RBPJ: variants seen among roughly 807,000 people sequenced by gnomAD.
The protein encoded by RBPJ is recombining binding protein suppressor of hairless.
A neutral mutation model predicts 67.8 loss-of-function variants in RBPJ; 9 were observed. The ratio of observed to expected loss-of-function variants is 0.13; its 90% CI spans 0.08 to 0.23. The LOEUF (loss-of-function observed/expected upper bound fraction) is 0.23, where lower values mean the gene tolerates loss of function less well. Among genes scored for constraint, RBPJ ranks in the 10% least tolerant of loss-of-function variants. The pLI is 1.00. For synonymous variants in RBPJ, 198 were observed against 203.3 expected (o/e 0.97, Z 0.22); for missense variants, 305 against 595.6 (o/e 0.51, Z 5.08).
At chr4:26,414,101 A>G (rs1042739950) in intron 3 of RBPJ, among the ~76,000 whole-genome samples, 2 of 152,150 alleles carry the variant, frequency 1.3e-5, no homozygotes, top group Non-Finnish European at 2.9e-5. Flanking sequence ...AGAAGTGAGA[A>G]TGACAATGGA....
chr4:26,272,139 T>A (rs1720936436), intron 1 of RBPJ, among the ~76,000 whole-genome samples: 1 of 152,218 alleles, frequency 6.6e-6, no homozygotes, highest in Admixed American at 6.5e-5. Context: ...TTCCAAAGGT[T>A]TAAATTTCAC....
chr4:26,307,893 T>G (rs1229435566), intron 1 of RBPJ, among the ~76,000 whole-genome samples: 1 of 152,184 alleles, frequency 6.6e-6, no homozygotes, highest in African/African-American at 2.4e-5. Flanking sequence ...ATGACAGAAT[T>G]TAGTCATGAA....
At chr4:26,165,022 G>T (rs1716213540) in intron 1 of RBPJ, among the ~76,000 whole-genome samples, 1 of 152,038 alleles carries the variant, frequency 6.6e-6, no homozygotes, top group Non-Finnish European at 1.5e-5. Context: ...ACTGTATTTA[G>T]CTAGTATAGT....
chr4:26,428,539 T>G (rs1735907485), intron 7 of RBPJ, 181 bp from the exon 8 acceptor site: 1 of 530,378 alleles, frequency 1.9e-6, no homozygotes, highest in African/African-American at 2.0e-5. Flanking sequence ...GCTTGCAATC[T>G]AAAAGTGTTT....
intron 1 of RBPJ, among the ~76,000 whole-genome samples, chr4:26,195,499 T>C (rs1241476703): frequency 6.6e-6 from 1 of 152,220 alleles, no homozygotes; most frequent in Admixed American, 6.5e-5. Context: ...AAATGATCCA[T>C]GGTGGTCAGC....
intron 1 of RBPJ, among the ~76,000 whole-genome samples, chr4:26,262,562 G>A (rs1160357814): frequency 6.6e-6 from 1 of 152,134 alleles, no homozygotes; most frequent in Non-Finnish European, 1.5e-5. Context: ...CTTCTTTGAA[G>A]ATTCTTCTTC....
intron 1 of RBPJ, among the ~76,000 whole-genome samples, chr4:26,341,343 G>A (rs1297051572): frequency 2.0e-5 from 3 of 152,104 alleles, no homozygotes; most frequent in Admixed American, 6.6e-5. Flanking sequence ...GGCTGGCTGC[G>A]GTGGCTCATG....
chr4:26,171,920 G>A lies in RBPJ; in HGVS notation c.-167+8306G>A, dbSNP rs751970042. Among the ~76,000 whole-genome samples, 16 of 152,316 alleles carry A rather than the reference G, an allele frequency of 1.1e-4. 1 individual carries two copies. The highest frequency in any genetic ancestry group is 3.9e-4 in the Admixed American group (6 of 15,302). On this transcript the variant is annotated intron_variant, in intron 1 of 4. Coordinates refer to the RBPJ transcript ENST00000512351. ...TTTGCATGACTACACTGTTAGGTCC[G>A]TTCTGATGTATATGCCATGGGCTTT...
chr4:26,398,805 G>A (rs1248495128), intron 2 of RBPJ, among the ~76,000 whole-genome samples: 1 of 151,688 alleles, frequency 6.6e-6, no homozygotes, highest in Non-Finnish European at 1.5e-5. Flanking sequence ...GTAGAGATGG[G>A]GTTTCTCTAT....
In RBPJ at chr4:26,217,990, G is replaced by A. The variant is rs139132991; in HGVS notation, c.-167+54376G>A. ...AGAGAGAGGAAAAACAAAACAGACC[G>A]GGGCATTTCCACCTTATTAAAATGC... On this transcript the variant is annotated intron_variant, in intron 1 of 4. Transcript: ENST00000512351. Among the ~76,000 whole-genome samples the A allele has an allele frequency of 1.5e-3, 235 of 152,254 alleles. 2 individuals are homozygous for A. Among genetic ancestry groups the A allele is most frequent in the African/African-American group, 5.1e-3 (212 of 41,558 alleles).
At chr4:26,169,941 G>A (rs1286689150) in intron 1 of RBPJ, among the ~76,000 whole-genome samples, 1 of 152,190 alleles carries the variant, frequency 6.6e-6, no homozygotes, top group Non-Finnish European at 1.5e-5. Flanking sequence ...CGCAGTATTT[G>A]GGTGGGTGTG....
At chr4:26,121,373 A>G in the RBPJ span, among the ~76,000 whole-genome samples, 1 of 152,184 alleles carries the variant, frequency 6.6e-6, no homozygotes, top group Non-Finnish European at 1.5e-5. Flanking sequence ...TTAAAACCCT[A>G]GAATGGAAGC....
At chr4:26,390,482 T>A (rs764858058) in intron 2 of RBPJ, among the ~76,000 whole-genome samples, 1 of 152,200 alleles carries the variant, frequency 6.6e-6, no homozygotes, top group African/African-American at 2.4e-5. Context: ...CATGATCATA[T>A]GTATAGAAAA....
intron 1 of RBPJ, among the ~76,000 whole-genome samples, chr4:26,243,264 C>T (rs1359564710): frequency 6.6e-6 from 1 of 152,096 alleles, no homozygotes; most frequent in African/African-American, 2.4e-5. Context: ...TAAAAGAACA[C>T]TCTATCAACT....
chr4:26,106,447 T>C, the RBPJ span, among the ~76,000 whole-genome samples: 2 of 152,232 alleles, frequency 1.3e-5, no homozygotes, highest in African/African-American at 4.8e-5. Flanking sequence ...GTAGCAGATA[T>C]GTCAAAATTC....
intron 1 of RBPJ, chr4:26,343,007 G>A (rs1725704659): frequency 6.6e-6 from 1 of 152,184 alleles, no homozygotes; most frequent in Non-Finnish European, 1.5e-5. Flanking sequence ...AGTCTCTGCT[G>A]TCAAATTTTG....
At chr4:26,168,325 C>T (rs1156246130) in intron 1 of RBPJ, among the ~76,000 whole-genome samples, 1 of 152,030 alleles carries the variant, frequency 6.6e-6, no homozygotes, top group Non-Finnish European at 1.5e-5. Context: ...TTCTCCTTCA[C>T]TTATGAAGCT....
chr4:26,109,460 C>CTCTCTCTCTCTATA, the RBPJ span, among the ~76,000 whole-genome samples: 1 of 14,690 alleles, frequency 6.8e-5, no homozygotes, highest in South Asian at 3.0e-3. Context: ...CTCTCTCTCT[C>CTCTCTCTCTCTATA]TATATATATA....
At chr4:26,388,403 A>G (rs890400844) in intron 2 of RBPJ, among the ~76,000 whole-genome samples, 6 of 152,220 alleles carry the variant, frequency 3.9e-5, no homozygotes, top group Non-Finnish European at 7.3e-5. Context: ...TTTGTTGCCC[A>G]TATAACCTCC....
Sources: gnomAD v4.1 joint callset for allele counts (sites outside exome capture counted in the v4.1 genomes callset) on GRCh38, gnomAD v4.1.1 for gene constraint, MANE v1.5 for transcripts, NCBI Gene and HGNC (gene_info 2026-07-23, HGNC 2026-07-21) for gene names.